The following ERBB4 variants were observed in gnomAD, a reference collection of about 807,000 sequenced individuals.
ERBB4 encodes receptor tyrosine-protein kinase erbB-4.
Under a neutral mutation model 158.0 loss-of-function variants are expected in ERBB4, and 42 were observed. The observed-to-expected ratio is 0.27, with a 90% CI of 0.21 to 0.34. The LOEUF (loss-of-function observed/expected upper bound fraction) is 0.34. Ranked by LOEUF, ERBB4 falls within the 10% of genes least tolerant of loss-of-function variation. ERBB4 has a pLI of 1.00. For synonymous variants in ERBB4, 583 were observed against 558.7 expected (o/e 1.04, Z -0.61); for missense variants, 1,333 against 1,624.1 (o/e 0.82, Z 3.08).
At chr2:211,654,024 C>A (rs897372266) in intron 16 of ERBB4, among the ~76,000 whole-genome samples, 1 of 152,108 alleles carries the variant, frequency 6.6e-6, no homozygotes, top group Non-Finnish European at 1.5e-5. Flanking sequence ...ATGTAAGATT[C>A]ACTTCAATCA....
chr2:212,533,273 T>C (rs1216604922), intron 1 of ERBB4, among the ~76,000 whole-genome samples: 1 of 152,226 alleles, frequency 6.6e-6, no homozygotes, highest in Non-Finnish European at 1.5e-5. Flanking sequence ...ATGTGCAATT[T>C]AGATTACATC....
intron 20 of ERBB4, among the ~76,000 whole-genome samples, chr2:211,542,166 G>T (rs2125685384): frequency 6.6e-6 from 1 of 152,080 alleles, no homozygotes; most frequent in Non-Finnish European, 1.5e-5. Context: ...TACATTTATA[G>T]AACATATAAT....
intron 19 of ERBB4, among the ~76,000 whole-genome samples, chr2:211,563,059 A>G (rs1251963030): frequency 6.6e-6 from 1 of 152,152 alleles, no homozygotes; most frequent in Non-Finnish European, 1.5e-5. Context: ...TATATTTCAT[A>G]AAATGAGAAA....
rs60954141 is a variant in ERBB4 at position 211,388,087 on chromosome 2, C to T, written c.3136-95G>A. 3.8e-4 allele frequency: 345 copies of T among 905,766 alleles called. 2 individuals are homozygous for T. In the African/African-American group the frequency reaches 5.3e-3, roughly 14 times the overall value. 56.1% of individuals were successfully genotyped at this position (905,766 alleles called of 1,614,324 possible). ...AACGAAAAAGAAAAGCCACATGGGT[C>T]GTATGAACCAAAGGGGAAAAAGTGC... is the stretch of plus-strand genomic sequence containing the variant. On this transcript the variant is annotated intron_variant, in intron 25 of 27. Transcript: ENST00000342788.
intron 2 of ERBB4, among the ~76,000 whole-genome samples, chr2:212,072,371 T>C (rs891401266): frequency 6.6e-6 from 1 of 151,968 alleles, no homozygotes; most frequent in Admixed American, 6.6e-5. Context: ...TAGCGTAGAA[T>C]GATGATAGTT....
intron 2 of ERBB4, among the ~76,000 whole-genome samples, chr2:212,100,488 C>A (rs912395967): frequency 6.6e-6 from 1 of 152,188 alleles, no homozygotes; most frequent in Admixed American, 6.5e-5. Context: ...ATAGTTTACA[C>A]TCCTACAGTG....
At chr2:211,854,540 A>C (rs2106045442) in intron 3 of ERBB4, among the ~76,000 whole-genome samples, 1 of 152,266 alleles carries the variant, frequency 6.6e-6, no homozygotes, top group East Asian at 1.9e-4. Context: ...AGCACATATT[A>C]GTTTTACCTA....
intron 1 of ERBB4, among the ~76,000 whole-genome samples, chr2:212,301,395 G>A (rs2086616021): frequency 6.6e-6 from 1 of 151,356 alleles, no homozygotes; most frequent in Non-Finnish European, 1.5e-5. Flanking sequence ...AAAATGAATT[G>A]AATTAAAGAT....
intron 1 of ERBB4, among the ~76,000 whole-genome samples, chr2:212,251,626 T>C (rs146979041): frequency 5.9e-5 from 9 of 152,002 alleles, no homozygotes; most frequent in African/African-American, 1.7e-4. Context: ...CAGAAAACTA[T>C]ACAGGCAAAA....
At chr2:212,180,892 T>C (rs2081837720) in intron 1 of ERBB4, among the ~76,000 whole-genome samples, 1 of 151,874 alleles carries the variant, frequency 6.6e-6, no homozygotes, top group Non-Finnish European at 1.5e-5. Context: ...CCCTCTATAG[T>C]TGCACTTCTG....
At chr2:211,766,823 C>T (rs1402045452) in intron 4 of ERBB4, among the ~76,000 whole-genome samples, 1 of 152,138 alleles carries the variant, frequency 6.6e-6, no homozygotes, top group African/African-American at 2.4e-5. Context: ...TGCAACACCC[C>T]ACTCCCCCAT....
chr2:212,061,624 G>A (rs1391007740), intron 2 of ERBB4, among the ~76,000 whole-genome samples: 1 of 151,950 alleles, frequency 6.6e-6, no homozygotes, highest in Non-Finnish European at 1.5e-5. Flanking sequence ...TGTAAAGAGT[G>A]GTGATGGATA....
chr2:212,237,799 C>T (rs926018071), intron 1 of ERBB4, among the ~76,000 whole-genome samples: 8 of 152,234 alleles, frequency 5.3e-5, no homozygotes, highest in Admixed American at 3.9e-4. Context: ...TCTAGAGAGG[C>T]AGCCTGGCTA....
At position 211,381,900 on chromosome 2, in the gene ERBB4, A is replaced by AATT. The variant is rs1188719356; in HGVS notation, c.*1712_*1714dup. On this transcript the variant is annotated 3_prime_UTR_variant, in exon 28 of 28. Coordinates refer to ENST00000342788, the MANE Select transcript of ERBB4 (RefSeq NM_005235.3). The stretch of plus-strand genomic sequence containing the variant: ...AGGGCGACTTATATCTAAGTTTCCT[A>AATT]ATTATTGATGTGAGGCCCCCTTTAC... 4.4e-6 allele frequency: 1 copy of AATT among 229,420 alleles called. No individual in the cohort carries two copies. The highest frequency in any genetic ancestry group is 2.2e-5 in the African/African-American group (1 of 45,154). 14.2% of individuals were successfully genotyped at this position (229,420 alleles called of 1,614,324 possible).
At chr2:211,404,683 G>A (rs1048695773) in intron 25 of ERBB4, among the ~76,000 whole-genome samples, 6 of 151,894 alleles carry the variant, frequency 4.0e-5, no homozygotes, top group South Asian at 4.2e-4. Context: ...TGAGAGTTGA[G>A]TACCAAGGCT....
chr2:212,514,009 A>C (rs1442898718), intron 1 of ERBB4, among the ~76,000 whole-genome samples: 1 of 152,142 alleles, frequency 6.6e-6, no homozygotes, highest in Non-Finnish European at 1.5e-5. Context: ...AGTGGTCTTA[A>C]ATAGCTCCAA....
intron 5 of ERBB4, among the ~76,000 whole-genome samples, chr2:211,744,479 C>T (rs1022137288): frequency 2.6e-5 from 4 of 152,152 alleles, no homozygotes; most frequent in Non-Finnish European, 5.9e-5. Flanking sequence ...TGTTTAAAAC[C>T]TCTGGCCTCC....
At chr2:211,683,365 T>C (rs1029107321) in intron 12 of ERBB4, among the ~76,000 whole-genome samples, 4 of 152,166 alleles carry the variant, frequency 2.6e-5, no homozygotes, top group Non-Finnish European at 5.9e-5. Flanking sequence ...GCTCCATTGC[T>C]GCAACCTCTA....
chr2:211,446,287 G>C (rs552464311), intron 20 of ERBB4, among the ~76,000 whole-genome samples: 3 of 152,164 alleles, frequency 2.0e-5, no homozygotes, highest in Admixed American at 2.0e-4. Context: ...CCATAACTTT[G>C]TAATTGCATC....
Sources: allele counts gnomAD v4.1 joint callset (sites outside exome capture counted in the v4.1 genomes callset), GRCh38; gene constraint gnomAD v4.1.1; transcripts MANE v1.5; gene names NCBI Gene and HGNC (gene_info 2026-07-23, HGNC 2026-07-21).